The following ARHGAP5 variants were observed in gnomAD, a reference collection of about 807,000 sequenced individuals.
The protein encoded by ARHGAP5 is Rho GTPase activating protein 5.
A neutral mutation model predicts 116.6 loss-of-function variants in ARHGAP5; 23 were observed. That is an observed-to-expected ratio of 0.20 (90% CI 0.14 to 0.28). The LOEUF (loss-of-function observed/expected upper bound fraction) is 0.28. Ranked by LOEUF, ARHGAP5 falls within the 10% of genes least tolerant of loss-of-function variation. The pLI is 1.00. For synonymous variants in ARHGAP5, 574 were observed against 602.0 expected, an observed-to-expected ratio of 0.95 and a Z score of 0.68; for missense variants, 1,405 against 1,774.8, an observed-to-expected ratio of 0.79 and a Z score of 3.74.
intron 3 of ARHGAP5, among the ~76,000 whole-genome samples, chr14:32,143,999 T>C (rs1881256982): frequency 6.6e-6 from 1 of 152,182 alleles, no homozygotes; most frequent in Admixed American, 6.5e-5. Flanking sequence ...TTCCTTGAGG[T>C]GCATTATGCC....
At chr14:32,138,600 T>G (rs1429609200) in intron 3 of ARHGAP5, among the ~76,000 whole-genome samples, 1 of 152,204 alleles carries the variant, frequency 6.6e-6, no homozygotes, top group Admixed American at 6.5e-5. Context: ...TACTAGTATT[T>G]TTTGTGGATT....
chr14:32,097,002 T>C (rs1878557375), intron 2 of ARHGAP5, among the ~76,000 whole-genome samples: 1 of 152,216 alleles, frequency 6.6e-6, no homozygotes, highest in Non-Finnish European at 1.5e-5. Context: ...CTATTCTCAT[T>C]GATGGCAAAA....
At chr14:32,108,644 A>C (rs918720019) in intron 2 of ARHGAP5, among the ~76,000 whole-genome samples, 1 of 152,120 alleles carries the variant, frequency 6.6e-6, no homozygotes, top group Non-Finnish European at 1.5e-5. Flanking sequence ...TTTTAATTTC[A>C]GAATATGCTG....
intron 3 of ARHGAP5, among the ~76,000 whole-genome samples, chr14:32,137,971 CAAAAAA>C (rs570604721): frequency 7.6e-5 from 6 of 79,306 alleles, no homozygotes; most frequent in African/African-American, 3.0e-4. Context: ...GGCTTCGTCT[CAAAAAA>C]AAAAAAAAAA....
chr14:32,089,770 G>T (rs769159562), intron 1 of ARHGAP5, among the ~76,000 whole-genome samples: 22 of 151,754 alleles, frequency 1.4e-4, no homozygotes, highest in Non-Finnish European at 2.7e-4. Flanking sequence ...AAAAATCAAG[G>T]CTTCGATGTA....
intron 3 of ARHGAP5, among the ~76,000 whole-genome samples, chr14:32,136,133 G>T (rs998559567): frequency 3.3e-5 from 5 of 152,012 alleles, no homozygotes; most frequent in African/African-American, 1.2e-4. Context: ...TTTTTTTGAG[G>T]TAAAATTTAT....
chr14:32,106,604 GT>G (rs534614560), intron 2 of ARHGAP5, among the ~76,000 whole-genome samples: 23 of 152,096 alleles, frequency 1.5e-4, no homozygotes, highest in Non-Finnish European at 3.4e-4. Flanking sequence ...CCTGATCCCT[GT>G]CCGTACAAAG....
At chr14:32,137,246 T>C (rs1566680324) in intron 3 of ARHGAP5, among the ~76,000 whole-genome samples, 1 of 148,292 alleles carries the variant, frequency 6.7e-6, no homozygotes, top group African/African-American at 2.5e-5. Context: ...TATTTTTGTA[T>C]CTAGTATGAG....
At chr14:32,147,479 C>T (rs540556347) in intron 4 of ARHGAP5, among the ~76,000 whole-genome samples, 49 of 152,210 alleles carry the variant, frequency 3.2e-4, no homozygotes, top group Non-Finnish European at 4.9e-4. Context: ...ATTGTTAGAG[C>T]GTAAGTAAAC....
At chr14:32,142,071 T>G (rs908463905) in intron 3 of ARHGAP5, among the ~76,000 whole-genome samples, 1 of 152,274 alleles carries the variant, frequency 6.6e-6, no homozygotes, top group East Asian at 1.9e-4. Flanking sequence ...ATTGTACTTT[T>G]CAATTGCAGA....
chr14:32,146,558 A>C (rs1007097144), intron 4 of ARHGAP5, among the ~76,000 whole-genome samples: 7 of 152,202 alleles, frequency 4.6e-5, no homozygotes, highest in African/African-American at 1.7e-4. Context: ...TTAGCAAGGA[A>C]GTCACTGATT....
At chr14:32,105,292 A>G (rs900139172) in intron 2 of ARHGAP5, among the ~76,000 whole-genome samples, 10 of 152,188 alleles carry the variant, frequency 6.6e-5, no homozygotes, top group Admixed American at 2.6e-4. Flanking sequence ...GGCCAGAGCT[A>G]CATGCTATTG....
chr14:32,152,397 G>A (rs773415445), intron 5 of ARHGAP5, 26 bp from the exon 6 acceptor site: 1 of 1,442,772 alleles, frequency 6.9e-7, no homozygotes, highest in Non-Finnish European at 9.6e-7. Flanking sequence ...GTTTTACACA[G>A]ATTCTTCACT....
rs1034246144 is a variant in ARHGAP5, at chr14:32,159,174, A to G, written c.*4226A>G. On this transcript the variant is annotated 3_prime_UTR_variant, in exon 7 of 7. Transcript: ENST00000345122. ...CATAAAATTATAACCCTTGAAATTA[A>G]TTTGGTGCTGGCAGTTCTGGTTTAG... is the stretch of plus-strand genomic sequence containing the variant. The G allele has an allele frequency of 6.6e-6, 1 of 152,130 alleles. No homozygotes were observed. Among genetic ancestry groups the G allele is most frequent in the South Asian group, 2.1e-4 (1 of 4,838 alleles). The allele number at this position is 152,130 out of a possible 1,614,324, so 9.4% of individuals were successfully genotyped here.
intron 2 of ARHGAP5, among the ~76,000 whole-genome samples, chr14:32,105,488 T>G (rs12590438): frequency 1.3e-5 from 2 of 150,770 alleles, no homozygotes; most frequent in Non-Finnish European, 3.0e-5. Flanking sequence ...TTTTTTTTTT[T>G]AAAAAAAAGA....
chr14:32,116,034 T>G (rs1879558430), intron 2 of ARHGAP5, among the ~76,000 whole-genome samples: 1 of 151,444 alleles, frequency 6.6e-6, no homozygotes, highest in African/African-American at 2.4e-5. Flanking sequence ...ATGCCTGTAA[T>G]CCCAGCACTT....
At chr14:32,109,899 T>TC (rs960512840) in intron 2 of ARHGAP5, among the ~76,000 whole-genome samples, 4 of 152,080 alleles carry the variant, frequency 2.6e-5, no homozygotes, top group East Asian at 1.9e-4. Flanking sequence ...GCTTTTTTTT[T>TC]CCCCCCACTG....
At chr14:32,080,755 AAG>A (rs1004584084) in intron 1 of ARHGAP5, among the ~76,000 whole-genome samples, 6 of 151,810 alleles carry the variant, frequency 4.0e-5, no homozygotes, top group African/African-American at 1.5e-4. Flanking sequence ...GTTTAGATGT[AAG>A]AGAGACCAAA....
chr14:32,084,279 G>A (rs2041807108), intron 1 of ARHGAP5, among the ~76,000 whole-genome samples: 1 of 152,172 alleles, frequency 6.6e-6, no homozygotes, highest in African/African-American at 2.4e-5. Flanking sequence ...AGCTCCCAGA[G>A]TACTGCCTAC....
Sources: gnomAD v4.1 joint callset for allele counts (sites outside exome capture counted in the v4.1 genomes callset) on GRCh38, gnomAD v4.1.1 for gene constraint, MANE v1.5 for transcripts, NCBI Gene and HGNC (gene_info 2026-07-23, HGNC 2026-07-21) for gene names.